Variants in PROS1 observed in about 807,000 individuals in gnomAD.
PROS1 encodes the protein protein S.
A neutral mutation model predicts 75.9 loss-of-function variants in PROS1; 29 were observed. The observed-to-expected ratio is 0.38, with a 90% CI of 0.28 to 0.52. PROS1 has a LOEUF of 0.52. PROS1 is among the 20% of genes least tolerant of loss of function. The pLI is 0.83. For missense variants in PROS1, 680 were observed against 810.3 expected (o/e 0.84, Z 1.95); for synonymous variants, 245 against 280.6 (o/e 0.87, Z 1.27).
intron 1 of PROS1, among the ~76,000 whole-genome samples, chr3:93,962,248 A>G (rs535907498): frequency 1.3e-5 from 2 of 152,116 alleles, no homozygotes; most frequent in East Asian, 3.9e-4. Flanking sequence ...ACAAGCAGAG[A>G]TCTCACGAGA....
At chr3:93,966,649 C>T (rs1334894551) in intron 1 of PROS1, among the ~76,000 whole-genome samples, 10 of 152,000 alleles carry the variant, frequency 6.6e-5, no homozygotes, top group Admixed American at 1.3e-4. Flanking sequence ...GAGGCCAAGG[C>T]GGGTGGATCA....
chr3:93,934,460 T>A (rs1004035446), intron 1 of PROS1, among the ~76,000 whole-genome samples: 5 of 152,200 alleles, frequency 3.3e-5, no homozygotes, highest in African/African-American at 9.7e-5. Context: ...ATATTTTGTA[T>A]CACATTGAGG....
chr3:93,890,305 A>G (rs1414904742), intron 10 of PROS1, among the ~76,000 whole-genome samples: 2 of 152,202 alleles, frequency 1.3e-5, no homozygotes, highest in African/African-American at 4.8e-5. Context: ...GACCCTTATC[A>G]ATAATTCTGC....
At chr3:93,913,343 C>T (rs1333017454) in intron 3 of PROS1, among the ~76,000 whole-genome samples, 2 of 152,134 alleles carry the variant, frequency 1.3e-5, no homozygotes, top group African/African-American at 2.4e-5. Context: ...GCAATTTCCC[C>T]GATACTGTGC....
chr3:93,928,013 T>TATATATATA (rs1709053137), intron 1 of PROS1, among the ~76,000 whole-genome samples: 1 of 9,690 alleles, frequency 1.0e-4, no homozygotes, highest in Non-Finnish European at 1.7e-4. Flanking sequence ...ATATATATAT[T>TATATATATA]TTTTTTTTTT....
chr3:93,946,043 C>T (rs1195231933), intron 1 of PROS1, among the ~76,000 whole-genome samples: 1 of 152,176 alleles, frequency 6.6e-6, no homozygotes, highest in Non-Finnish European at 1.5e-5. Flanking sequence ...CATGAGTGAA[C>T]CGCCATTCAC....
chr3:93,893,849 G>C (rs1295100971), intron 9 of PROS1, among the ~76,000 whole-genome samples: 7 of 152,274 alleles, frequency 4.6e-5, no homozygotes, highest in Admixed American at 6.5e-5. Flanking sequence ...ATGTGTTTGG[G>C]GGGTATCTGA....
intron 1 of PROS1, among the ~76,000 whole-genome samples, chr3:93,954,938 AAAG>A (rs1416285766): frequency 1.2e-4 from 19 of 152,358 alleles, no homozygotes; most frequent in African/African-American, 4.3e-4. Context: ...AAACTTCTCA[AAAG>A]AAGACATTTA....
chr3:93,913,420 C>T (rs1410052729), intron 3 of PROS1, among the ~76,000 whole-genome samples: 1 of 152,218 alleles, frequency 6.6e-6, no homozygotes, highest in African/African-American at 2.4e-5. Flanking sequence ...TGCACAAGCT[C>T]TCTTGCCTGC....
chr3:93,897,815 T>C (rs992109578), intron 8 of PROS1, among the ~76,000 whole-genome samples: 3 of 152,002 alleles, frequency 2.0e-5, no homozygotes, highest in African/African-American at 7.2e-5. Flanking sequence ...TTCAATGAAG[T>C]AAAAATGAGC....
chr3:93,937,358 T>A (rs1226247681), intron 1 of PROS1, among the ~76,000 whole-genome samples: 4 of 139,360 alleles, frequency 2.9e-5, no homozygotes, highest in East Asian at 4.4e-4. Flanking sequence ...GGTTTCTAAG[T>A]CATGAGTTGA....
intron 1 of PROS1, among the ~76,000 whole-genome samples, chr3:93,972,280 G>A (rs1185097128): frequency 1.3e-5 from 2 of 152,202 alleles, no homozygotes; most frequent in Non-Finnish European, 2.9e-5. Context: ...AATGATAGGG[G>A]TTTGAATGCT....
At position 93,879,237 on chromosome 3, in the gene PROS1, G is replaced by A. The variant is rs1708239787; in HGVS notation, c.1570C>T (p.Leu524Phe). The A allele has an allele frequency of 6.2e-7, 1 of 1,614,092 alleles. No individual in the cohort carries two copies. Among genetic ancestry groups the A allele is most frequent in the Admixed American group, 1.7e-5 (1 of 60,014 alleles). ...IRPSTGTGVM[L>F]ALVSGNNTVP... ...GTGTTGTTACCAGAAACCAAGGCAAGCATAACACCAGTGCCCGTGGATGGA... is the reference window on the plus strand; with the variant it reads ...GTGTTGTTACCAGAAACCAAGGCAAACATAACACCAGTGCCCGTGGATGGA... Residue 524 changes from leucine (L) to phenylalanine (F), a missense_variant, in exon 13 of 15, where the codon CTT becomes TTT. By Grantham distance (22) the Leu-to-Phe change is conservative. Transcript: ENST00000394236.
chr3:93,893,209 G>T, intron 9 of PROS1, 87 bp from the exon 10 acceptor site: 1 of 1,178,786 alleles, frequency 8.5e-7, no homozygotes, highest in Non-Finnish European at 1.2e-6. Flanking sequence ...CTGACAAACA[G>T]TAACACAGAC....
chr3:93,912,683 G>C (rs1241721328), intron 3 of PROS1, among the ~76,000 whole-genome samples: 6 of 152,120 alleles, frequency 3.9e-5, no homozygotes, highest in African/African-American at 1.2e-4. Context: ...ATATCAAGGT[G>C]CTTTAGTGTC....
chr3:93,973,891 C>A lies in PROS1; in HGVS notation c.-142G>T. 1 of 558,014 alleles carries A rather than the reference C, an allele frequency of 1.8e-6. No individual in the cohort carries two copies. Among genetic ancestry groups the A allele is most frequent in the Non-Finnish European group, 2.8e-6 (1 of 358,582 alleles). 34.6% of individuals were successfully genotyped at this position (558,014 alleles called of 1,614,324 possible). On this transcript the variant is annotated 5_prime_UTR_variant, in exon 1 of 15. Transcript: ENST00000394236. Reference sequence around the variant, plus strand: ...GCGCCAGCGACCCAGCGAGCCTCGGCGGAACAGCCGGGGGCGGAGGAGACC... The same window carrying A: ...GCGCCAGCGACCCAGCGAGCCTCGGAGGAACAGCCGGGGGCGGAGGAGACC...
chr3:93,928,834 T>A (rs1426101255), intron 1 of PROS1: 7 of 843,596 alleles, frequency 8.3e-6, no homozygotes, highest in Non-Finnish European at 1.0e-5. Flanking sequence ...ATATAAACCA[T>A]CACTACAGAG....
intron 1 of PROS1, among the ~76,000 whole-genome samples, chr3:93,931,394 TTAGATA>T (rs1386878235): frequency 3.3e-5 from 5 of 152,232 alleles, no homozygotes; most frequent in African/African-American, 1.2e-4. Context: ...TGTCATTAGT[TTAGATA>T]TAATTACTTT....
chr3:93,900,474 T>G (rs1708575897), intron 7 of PROS1, among the ~76,000 whole-genome samples: 1 of 152,232 alleles, frequency 6.6e-6, no homozygotes, highest in Non-Finnish European at 1.5e-5. Context: ...TCTACTGTTT[T>G]TCCTTCCAAA....
Sources: allele counts gnomAD v4.1 joint callset (sites outside exome capture counted in the v4.1 genomes callset), GRCh38; gene constraint gnomAD v4.1.1; transcripts MANE v1.5; gene names NCBI Gene and HGNC (gene_info 2026-07-23, HGNC 2026-07-21).